The following ARID1B variants were observed in gnomAD, a reference collection of about 807,000 sequenced individuals.
ARID1B encodes the protein AT-rich interactive domain-containing protein 1B.
ARID1B carries 30 observed loss-of-function variants against 212.3 expected under a neutral mutation model. The ratio of observed to expected loss-of-function variants is 0.14; its 90% confidence interval spans 0.11 to 0.19. ARID1B has a LOEUF of 0.19. Among genes scored for constraint, ARID1B ranks in the 10% least tolerant of loss-of-function variants. ARID1B has a pLI of 1.00. For missense variants in ARID1B, 2,891 were observed against 3,204.0 expected (o/e 0.90, Z 2.36); for synonymous variants, 1,402 against 1,301.7 (o/e 1.08, Z -1.66).
chr6:157,106,296 G>C (rs369985384), intron 5 of ARID1B, among the ~76,000 whole-genome samples: 1 of 152,194 alleles, frequency 6.6e-6, no homozygotes, highest in African/African-American at 2.4e-5. Context: ...CTGTTCCCCT[G>C]GCAGAGAGTT....
intron 4 of ARID1B, among the ~76,000 whole-genome samples, chr6:157,079,792 A>G (rs1784525022): frequency 6.6e-6 from 1 of 152,188 alleles, no homozygotes; most frequent in Non-Finnish European, 1.5e-5. Flanking sequence ...TTTTGTCTTT[A>G]GCACCGCACT....
At chr6:157,161,821 G>A (rs1385217544) in intron 8 of ARID1B, among the ~76,000 whole-genome samples, 4 of 152,198 alleles carry the variant, frequency 2.6e-5, no homozygotes, top group African/African-American at 9.7e-5. Flanking sequence ...TATGTTGTTA[G>A]TAAGCAGTCT....
At chr6:156,858,698 G>A (rs1785114894) in intron 2 of ARID1B, among the ~76,000 whole-genome samples, 2 of 152,200 alleles carry the variant, frequency 1.3e-5, no homozygotes, top group South Asian at 4.1e-4. Flanking sequence ...GGACCCAGAA[G>A]GTGGTGGCTG....
rs912724144 is a variant in ARID1B at position 157,157,745 on chromosome 6, G to A, written c.3089+8794G>A. Among the ~76,000 whole-genome samples, 5 of 152,156 alleles carry A rather than the reference G, an allele frequency of 3.3e-5. No individual in the cohort carries two copies. In the East Asian group the frequency reaches 7.7e-4, roughly 23 times the overall value. On this transcript the variant is annotated intron_variant, in intron 8 of 19. Coordinates refer to ENST00000636930, the MANE Select transcript of ARID1B (RefSeq NM_001374828.1). Reference sequence around the variant, plus strand: ...ATAGATTTAAAAAACCAAACAGGCCGGGCACAGTGGCTCACGCCCGTAATC... The same window carrying A: ...ATAGATTTAAAAAACCAAACAGGCCAGGCACAGTGGCTCACGCCCGTAATC...
At chr6:156,888,184 A>G (rs570265536) in intron 2 of ARID1B, among the ~76,000 whole-genome samples, 1 of 152,352 alleles carries the variant, frequency 6.6e-6, no homozygotes, top group African/African-American at 2.4e-5. Context: ...TTATATAGGA[A>G]AGTGGTAAAG....
rs75870728 is a variant in ARID1B at position 156,945,407 on chromosome 6, T to C, written c.2247+9831T>C. ...AGGCAGTGGCAGAAGCCATGTCCGC[T>C]CCTCAGGCAGATGTCCTCTCTAAAG... On this transcript the variant is annotated intron_variant, in intron 4 of 19. Coordinates refer to ENST00000636930, the MANE Select transcript of ARID1B (RefSeq NM_001374828.1). Among the ~76,000 whole-genome samples, 1,092 of 152,114 alleles carry C rather than the reference T, an allele frequency of 7.2e-3. 12 individuals are homozygous for C. Among genetic ancestry groups the C allele is most frequent in the African/African-American group, 0.025 (1,055 of 41,480 alleles).
intron 1 of ARID1B, among the ~76,000 whole-genome samples, chr6:156,816,629 T>A (rs1397178201): frequency 6.6e-6 from 1 of 152,206 alleles, no homozygotes; most frequent in Admixed American, 6.5e-5. Flanking sequence ...GACTCACTGG[T>A]ATTTCCCCAG....
chr6:157,037,920 A>G (rs1454044986), intron 4 of ARID1B, among the ~76,000 whole-genome samples: 1 of 152,208 alleles, frequency 6.6e-6, no homozygotes, highest in Non-Finnish European at 1.5e-5. Flanking sequence ...TCCAGGGACA[A>G]TATGGTGTCA....
chr6:157,146,560 C>T (rs1406650892), intron 7 of ARID1B, among the ~76,000 whole-genome samples: 1 of 152,192 alleles, frequency 6.6e-6, no homozygotes, highest in East Asian at 1.9e-4. Context: ...ACATTGCATG[C>T]TTTGTTTTGC....
intron 6 of ARID1B, among the ~76,000 whole-genome samples, chr6:157,113,211 G>A (rs759586131): frequency 2.0e-5 from 3 of 152,090 alleles, no homozygotes; most frequent in African/African-American, 7.2e-5. Flanking sequence ...ATGAGCCACC[G>A]CACCCGGCCA....
intron 2 of ARID1B, among the ~76,000 whole-genome samples, chr6:156,846,416 C>T (rs533986661): frequency 3.9e-5 from 6 of 151,934 alleles, no homozygotes; most frequent in East Asian, 1.9e-4. Flanking sequence ...CCACCCGCCT[C>T]GGCCTCCCAA....
At chr6:157,111,482 G>C (rs933966096) in intron 6 of ARID1B, among the ~76,000 whole-genome samples, 2 of 152,106 alleles carry the variant, frequency 1.3e-5, no homozygotes, top group African/African-American at 4.8e-5. Flanking sequence ...CCGCTGTCCT[G>C]CACTCCCCTC....
At chr6:157,054,988 T>A (rs766056583) in intron 4 of ARID1B, among the ~76,000 whole-genome samples, 1 of 152,152 alleles carries the variant, frequency 6.6e-6, no homozygotes, top group Non-Finnish European at 1.5e-5. Context: ...CTGGAGTAAC[T>A]TGTAGCATAA....
At position 157,196,193 on chromosome 6, in the gene ARID1B, G is replaced by T. The variant is rs374823620; in HGVS notation, c.4260G>T (p.Thr1420=). ...CTGGAAGCAGCGAGCCCTTTATGAC[G>T]CAAGGACAGATGCCCAACAGCAGCA... ...KVPGSSEPFM[T]QGQMPNSSMQ... The change falls in exon 16 of 20, where the codon ACG becomes ACT. Residue 1420 remains threonine (T), a synonymous_variant. Transcript: ENST00000636930. 16 of 1,613,176 alleles carry T rather than the reference G, an allele frequency of 9.9e-6. No individual in the cohort carries two copies. In the Admixed American group the frequency reaches 2.7e-4, roughly 27 times the overall value.
chr6:157,126,164 A>G (rs1358155305), intron 6 of ARID1B, among the ~76,000 whole-genome samples: 1 of 152,184 alleles, frequency 6.6e-6, no homozygotes, highest in African/African-American at 2.4e-5. Context: ...TATAAAGGCA[A>G]TAGTAATGCC....
chr6:157,117,679 C>G (rs1307395808), intron 6 of ARID1B, among the ~76,000 whole-genome samples: 1 of 152,206 alleles, frequency 6.6e-6, no homozygotes, highest in Non-Finnish European at 1.5e-5. Context: ...ATCCAGCTCT[C>G]ACACCCTGTC....
rs376265771 is a variant in ARID1B at position 156,951,544 on chromosome 6, C to T, written c.2247+15968C>T. On this transcript the variant is annotated intron_variant, in intron 4 of 19. Transcript: ENST00000636930. ...CTGCAAGCTCCACCTCCTGGGTTTA[C>T]GCCATTCTTCTGCCTCAGCCTCCTG... Among the ~76,000 whole-genome samples the T allele has an allele frequency of 6.0e-4, 91 of 151,962 alleles. 1 individual carries two copies. In the South Asian group the frequency reaches 0.017, roughly 29 times the overall value.
chr6:156,889,308 A>G (rs983960457), intron 2 of ARID1B, among the ~76,000 whole-genome samples: 4 of 152,270 alleles, frequency 2.6e-5, no homozygotes, highest in African/African-American at 9.6e-5. Flanking sequence ...GTCAAAAAAC[A>G]CACTGTAGAC....
At chr6:157,034,874 C>T (rs1781225443) in intron 4 of ARID1B, among the ~76,000 whole-genome samples, 1 of 152,126 alleles carries the variant, frequency 6.6e-6, no homozygotes, top group Non-Finnish European at 1.5e-5. Context: ...TGCTTTTGAA[C>T]AAAACATAAA....
Sources: allele counts gnomAD v4.1 joint callset (sites outside exome capture counted in the v4.1 genomes callset), GRCh38; gene constraint gnomAD v4.1.1; transcripts MANE v1.5; gene names NCBI Gene and HGNC (gene_info 2026-07-23, HGNC 2026-07-21).